The following UTP18 variants were observed in gnomAD, a reference collection of about 807,000 sequenced individuals.
UTP18 encodes the protein U3 small nucleolar RNA-associated protein 18 homolog.
A neutral mutation model predicts 61.1 loss-of-function variants in UTP18; 36 were observed. That is an observed-to-expected ratio of 0.59 (90% CI 0.45 to 0.78). UTP18 has a LOEUF of 0.78. Ranked by LOEUF, UTP18 falls within the 30% of genes least tolerant of loss-of-function variation. UTP18 has a pLI of 0.00. For missense variants in UTP18, 753 were observed against 693.9 expected, an observed-to-expected ratio of 1.09 and a Z score of -0.96; for synonymous variants, 282 against 251.1, an observed-to-expected ratio of 1.12 and a Z score of -1.16.
intron 4 of UTP18, among the ~76,000 whole-genome samples, chr17:51,269,436 C>G (rs1904436483): frequency 6.6e-6 from 1 of 150,846 alleles, no homozygotes; most frequent in Non-Finnish European, 1.5e-5. Flanking sequence ...GATGGCTTAG[C>G]TAAAATCTGG....
intron 9 of UTP18, among the ~76,000 whole-genome samples, chr17:51,282,896 T>C (rs1904990550): frequency 7.3e-6 from 1 of 137,586 alleles, no homozygotes; most frequent in Non-Finnish European, 1.5e-5. Context: ...TGAGACAGAG[T>C]CTCACTCTGT....
At chr17:51,285,497 AC>A in intron 10 of UTP18, 129 bp downstream of exon 10, 1 of 1,144,688 alleles carries the variant, frequency 8.7e-7, no homozygotes, top group Non-Finnish European at 1.2e-6. Flanking sequence ...AAATTGGTCA[AC>A]CCAGCTGAGC....
chr17:51,294,141 A>G (rs934619548), intron 12 of UTP18, 96 bp downstream of exon 12: 6 of 1,068,554 alleles, frequency 5.6e-6, no homozygotes, highest in Non-Finnish European at 7.4e-6. Context: ...CAGTTAATAA[A>G]TTCTAGTCTG....
Position 51,275,998 on chromosome 17 carries a change from A to G in UTP18, c.837+7A>G, listed in dbSNP as rs746639476. On this transcript the variant is annotated splice_region_variant and intron_variant, in intron 6 of 13. Coordinates refer to ENST00000225298, the MANE Select transcript of UTP18 (RefSeq NM_016001.3). ...TGCTGTATCACTATTTCAGGTATGC[A>G]TCTTTATTTACTTATTTATTTCTAA... is the stretch of plus-strand genomic sequence containing the variant. 26 of 1,593,066 alleles carry G rather than the reference A, an allele frequency of 1.6e-5. No individual in the cohort carries two copies. Among genetic ancestry groups the G allele is most frequent in the Admixed American group, 9.3e-5 (5 of 53,880 alleles).
chr17:51,283,089 G>A (rs1447600949), intron 9 of UTP18, among the ~76,000 whole-genome samples: 3 of 151,204 alleles, frequency 2.0e-5, no homozygotes, highest in Non-Finnish European at 2.9e-5. Context: ...GGCTGGTCTC[G>A]AACTCCTGAG....
intron 9 of UTP18, among the ~76,000 whole-genome samples, chr17:51,284,583 G>C (rs2144431676): frequency 6.6e-6 from 1 of 152,272 alleles, no homozygotes; most frequent in East Asian, 1.9e-4. Flanking sequence ...AGTTACACTA[G>C]TGAGTGGTGT....
At chr17:51,297,611 A>G (rs1024920703) in intron 13 of UTP18, among the ~76,000 whole-genome samples, 171 bp from the exon 14 acceptor site, 2 of 152,194 alleles carry the variant, frequency 1.3e-5, no homozygotes, top group Non-Finnish European at 2.9e-5. Context: ...ATGCAGATAG[A>G]TTTAATTAGG....
chr17:51,292,648 C>T (rs1597855055), intron 11 of UTP18, among the ~76,000 whole-genome samples: 4 of 152,314 alleles, frequency 2.6e-5, no homozygotes, highest in African/African-American at 2.4e-5. Flanking sequence ...CATGAAGGTG[C>T]TATATCTCTT....
intron 10 of UTP18, among the ~76,000 whole-genome samples, chr17:51,287,249 A>ATGTGCT (rs1177283341): frequency 6.6e-6 from 1 of 152,166 alleles, no homozygotes; most frequent in African/African-American, 2.4e-5. Context: ...TTGATTTCTG[A>ATGTGCT]TGTGCTTGGC....
Position 51,285,255 on chromosome 17 carries a change from A to C in UTP18, c.1215A>C (p.Glu405Asp). Residue 405 changes from glutamate to aspartate, a missense_variant, in exon 10 of 14, where the codon GAA becomes GAC. Transcript: ENST00000225298. ...CGCTCTTTTATGCAGGGGATGGAGAAGTTTATGTTTGGGATGTGAACTCAA... is the reference window on the plus strand; with the variant it reads ...CGCTCTTTTATGCAGGGGATGGAGACGTTTATGTTTGGGATGTGAACTCAA... ...KKVYASSGDG[E>D]VYVWDVNSRK... 1 of 1,613,616 alleles carries C rather than the reference A, an allele frequency of 6.2e-7. No homozygotes were observed. Among genetic ancestry groups the C allele is most frequent in the East Asian group, 2.2e-5 (1 of 44,820 alleles).
chr17:51,260,964 G>C (rs2055449050), intron 1 of UTP18, 38 bp downstream of exon 1: 1 of 1,437,586 alleles, frequency 7.0e-7, no homozygotes, highest in Non-Finnish European at 9.1e-7. Context: ...GGCGCACTCG[G>C]GCGGGGCGCG....
intron 6 of UTP18, 70 bp from the exon 7 acceptor site, chr17:51,277,060 A>G (rs988028154): frequency 5.4e-6 from 8 of 1,490,666 alleles, no homozygotes; most frequent in East Asian, 4.5e-5. Context: ...ACTTGTAGTG[A>G]AAAGTATATA....
rs1053234885 is a variant in UTP18, at chr17:51,286,984, C to A, written c.1329-1045C>A. Among the ~76,000 whole-genome samples, 4 of 145,062 alleles carry A rather than the reference C, an allele frequency of 2.8e-5. 1 individual carries two copies. Among genetic ancestry groups the A allele is most frequent in the Admixed American group, 1.4e-4 (2 of 14,606 alleles). ...TAATGCTATCCCTCCCCCTTCCCCCCCCGACCCACAGGCCCCGGTATGTGA... is the reference window on the plus strand; with the variant it reads ...TAATGCTATCCCTCCCCCTTCCCCCACCGACCCACAGGCCCCGGTATGTGA... On this transcript the variant is annotated intron_variant, in intron 10 of 13. Coordinates refer to ENST00000225298, the MANE Select transcript of UTP18 (RefSeq NM_016001.3).
At chr17:51,296,811 A>C in intron 12 of UTP18, 154 bp from the exon 13 acceptor site, 7 of 629,930 alleles carry the variant, frequency 1.1e-5, no homozygotes. Flanking sequence ...CCAGAATGTC[A>C]GATTGAGGAG....
chr17:51,268,758 C>A, intron 3 of UTP18, 79 bp from the exon 4 acceptor site: 4 of 1,168,358 alleles, frequency 3.4e-6, no homozygotes, highest in Non-Finnish European at 5.0e-6. Flanking sequence ...GGTGATTCAA[C>A]GTATATGCTT....
At chr17:51,288,931 G>C (rs955933654) in intron 11 of UTP18, among the ~76,000 whole-genome samples, 1 of 152,152 alleles carries the variant, frequency 6.6e-6, no homozygotes, top group South Asian at 2.1e-4. Context: ...TTTTCTACCT[G>C]GGAAGCTCAT....
At chr17:51,263,001 T>C (rs2055522858) in intron 1 of UTP18, among the ~76,000 whole-genome samples, 1 of 152,280 alleles carries the variant, frequency 6.6e-6, no homozygotes, top group Non-Finnish European at 1.5e-5. Flanking sequence ...CTTTTGTTCT[T>C]GTCTTACTTG....
At position 51,296,927 on chromosome 17, in the gene UTP18, ACAAAGTTGTTCAGATGACTTATTT is replaced by A. The variant is rs1567708498; in HGVS notation, c.1647-37_1647-14del. On this transcript the variant is annotated splice_polypyrimidine_tract_variant and intron_variant, in intron 12 of 13. Transcript: ENST00000225298. ...CTAATTGAAAACACTGTGGGTAATT[ACAAAGTTGTTCAGATGACTTATTT>A]TTTACTTTTCCAGGTTGCACCATTA... The A allele has an allele frequency of 6.3e-7, 1 of 1,592,144 alleles. No homozygotes were observed. The highest frequency in any genetic ancestry group is 1.8e-5 in the Admixed American group (1 of 56,002).
At chr17:51,266,350 GCTT>G in intron 3 of UTP18, 70 bp downstream of exon 3, 2 of 1,063,802 alleles carry the variant, frequency 1.9e-6, no homozygotes, top group Non-Finnish European at 2.6e-6. Flanking sequence ...AACCGTAACC[GCTT>G]CTTGTGTAGT....
Sources: gnomAD v4.1 joint callset for allele counts (sites outside exome capture counted in the v4.1 genomes callset) on GRCh38, gnomAD v4.1.1 for gene constraint, MANE v1.5 for transcripts, NCBI Gene and HGNC (gene_info 2026-07-23, HGNC 2026-07-21) for gene names.